CMIP: variants seen among roughly 807,000 people sequenced by gnomAD.
CMIP encodes the protein C-Maf-inducing protein.
In CMIP, 13 loss-of-function variants were observed where a neutral mutation model predicts 97.3. The observed-to-expected ratio is 0.13, with a 90% CI of 0.09 to 0.21. The LOEUF (loss-of-function observed/expected upper bound fraction) is 0.21, where lower values mean the gene tolerates loss of function less well. Among genes scored for constraint, CMIP ranks in the 10% least tolerant of loss-of-function variants. The pLI is 1.00. For missense variants in CMIP, 847 were observed against 1,024.9 expected (o/e 0.83, Z 2.37); for synonymous variants, 538 against 436.3 (o/e 1.23, Z -2.91).
At chr16:81,634,702 G>A (rs1333811222) in intron 3 of CMIP, among the ~76,000 whole-genome samples, 1 of 152,154 alleles carries the variant, frequency 6.6e-6, no homozygotes, top group Non-Finnish European at 1.5e-5. Context: ...GAGACTTACT[G>A]AACATTAATT....
rs1246400788 is a variant in CMIP, at chr16:81,703,220, A to C, written c.1944+551A>C. Among the ~76,000 whole-genome samples, 21 of 152,016 alleles carry C rather than the reference A, an allele frequency of 1.4e-4. 1 individual carries two copies. Among genetic ancestry groups the C allele is most frequent in the Admixed American group, 1.4e-3 (21 of 15,274 alleles). ...AAACTTCCTGGAAGTTCTACTTGAC[A>C]TGTCTACTTACATCCCATTTTCCAG... On this transcript the variant is annotated intron_variant, in intron 17 of 20. Transcript: ENST00000537098.
intron 1 of CMIP, among the ~76,000 whole-genome samples, chr16:81,582,840 G>C (rs959789371): frequency 6.6e-6 from 1 of 152,026 alleles, no homozygotes; most frequent in Non-Finnish European, 1.5e-5. Context: ...AGTCGGCGGG[G>C]GTAAAACGAA....
intron 2 of CMIP, among the ~76,000 whole-genome samples, chr16:81,612,336 A>T (rs1224034426): frequency 6.6e-6 from 1 of 152,066 alleles, no homozygotes; most frequent in Non-Finnish European, 1.5e-5. Context: ...TCTTTCGGGG[A>T]TGGGTTCCGG....
chr16:81,504,630 G>T (rs1256966418), intron 1 of CMIP, among the ~76,000 whole-genome samples: 1 of 116,866 alleles, frequency 8.6e-6, no homozygotes, highest in African/African-American at 3.5e-5. Flanking sequence ...GCGACAGAGT[G>T]AGACTCGTCT....
chr16:81,475,062 G>A (rs1431232798), intron 1 of CMIP, among the ~76,000 whole-genome samples: 1 of 152,170 alleles, frequency 6.6e-6, no homozygotes. Context: ...GAGCTGCTGT[G>A]GTCAGCATGG....
chr16:81,675,693 A>C (rs1055570564), intron 9 of CMIP, among the ~76,000 whole-genome samples: 1 of 152,232 alleles, frequency 6.6e-6, no homozygotes, highest in African/African-American at 2.4e-5. Context: ...GCAGGGGAAG[A>C]GCTGAAGGAA....
chr16:81,477,299 C>T (rs28572501), intron 1 of CMIP, among the ~76,000 whole-genome samples: 1 of 152,086 alleles, frequency 6.6e-6, no homozygotes, highest in Non-Finnish European at 1.5e-5. Flanking sequence ...GGATTACAAG[C>T]TTACACCACC....
At chr16:81,576,329 G>A (rs1422176953) in intron 1 of CMIP, among the ~76,000 whole-genome samples, 8 of 152,036 alleles carry the variant, frequency 5.3e-5, no homozygotes, top group Admixed American at 2.6e-4. Context: ...GCTTGAACCC[G>A]GGAGGCAGGG....
At chr16:81,524,110 T>C (rs2090082624) in intron 1 of CMIP, among the ~76,000 whole-genome samples, 1 of 152,222 alleles carries the variant, frequency 6.6e-6, no homozygotes, top group African/African-American at 2.4e-5. Context: ...CCCTCTGACC[T>C]GTGAGGTGCT....
chr16:81,633,387 G>A (rs2092191193), intron 3 of CMIP, among the ~76,000 whole-genome samples: 1 of 152,190 alleles, frequency 6.6e-6, no homozygotes, highest in Non-Finnish European at 1.5e-5. Context: ...CTGGCCTGTT[G>A]GCTCGGAGAT....
At chr16:81,451,319 G>A (rs559907133) in intron 1 of CMIP, among the ~76,000 whole-genome samples, 1 of 152,234 alleles carries the variant, frequency 6.6e-6, no homozygotes, top group South Asian at 2.1e-4. Context: ...CCTCTTGTCT[G>A]CCACCATGTA....
chr16:81,531,868 A>T (rs1003688051), intron 1 of CMIP, among the ~76,000 whole-genome samples: 2 of 152,202 alleles, frequency 1.3e-5, no homozygotes, highest in Admixed American at 6.5e-5. Context: ...CTAGTTGTTG[A>T]TTATCTCACC....
At chr16:81,594,758 C>T (rs1250455041) in intron 1 of CMIP, among the ~76,000 whole-genome samples, 5 of 149,966 alleles carry the variant, frequency 3.3e-5, no homozygotes, top group South Asian at 2.1e-4. Context: ...GGACTACAGG[C>T]GCCTGTCACC....
chr16:81,636,580 CAAAAAAA>C (rs200195305), intron 3 of CMIP, among the ~76,000 whole-genome samples: 2 of 106,676 alleles, frequency 1.9e-5, no homozygotes, highest in East Asian at 2.5e-4. Flanking sequence ...AACTTCGTCT[CAAAAAAA>C]AAAAAAAAAA....
intron 12 of CMIP, 47 bp downstream of exon 12, chr16:81,693,231 T>G: frequency 6.3e-7 from 1 of 1,580,470 alleles, no homozygotes; most frequent in Non-Finnish European, 8.7e-7. Context: ...ACGCACGGCC[T>G]CTGTCCTGAG....
chr16:81,570,156 A>G (rs1449085584), intron 1 of CMIP, among the ~76,000 whole-genome samples: 1 of 152,160 alleles, frequency 6.6e-6, no homozygotes, highest in Non-Finnish European at 1.5e-5. Flanking sequence ...GATTTGAGCC[A>G]AGGACAGCTG....
At chr16:81,542,909 C>T (rs1314440695) in intron 1 of CMIP, among the ~76,000 whole-genome samples, 2 of 152,236 alleles carry the variant, frequency 1.3e-5, no homozygotes, top group African/African-American at 4.8e-5. Flanking sequence ...GTCCCTAGCA[C>T]GGAAGAACAG....
chr16:81,612,409 C>G (rs755700558), intron 2 of CMIP, among the ~76,000 whole-genome samples: 5 of 152,124 alleles, frequency 3.3e-5, no homozygotes, highest in Non-Finnish European at 5.9e-5. Flanking sequence ...CTGTTTACCC[C>G]AAACATTGGC....
intron 1 of CMIP, among the ~76,000 whole-genome samples, chr16:81,559,247 G>A (rs553782103): frequency 1.6e-4 from 24 of 152,296 alleles, no homozygotes; most frequent in African/African-American, 5.3e-4. Context: ...GGCCTAGGTG[G>A]GCTTGGGGTA....
Sources: allele counts gnomAD v4.1 joint callset (sites outside exome capture counted in the v4.1 genomes callset), GRCh38; gene constraint gnomAD v4.1.1; transcripts MANE v1.5; gene names NCBI Gene and HGNC (gene_info 2026-07-23, HGNC 2026-07-21).